Variants in KIF13B observed in about 807,000 individuals in gnomAD.
KIF13B encodes kinesin-like protein KIF13B.
In KIF13B, 127 loss-of-function variants were observed where a neutral mutation model predicts 222.0. That is an observed-to-expected ratio of 0.57 (90% CI 0.50 to 0.66). The LOEUF (loss-of-function observed/expected upper bound fraction) is 0.66, where lower values mean the gene tolerates loss of function less well. KIF13B is among the 30% of genes least tolerant of loss of function. The probability of loss-of-function intolerance (pLI) is 0.00; values close to 1 mark genes in which losing one functional copy is unlikely to be tolerated. For synonymous variants in KIF13B, 976 were observed against 919.0 expected, an observed-to-expected ratio of 1.06 and a Z score of -1.12; for missense variants, 2,173 against 2,379.0, an observed-to-expected ratio of 0.91 and a Z score of 1.80.
At chr8:29,130,989 A>T (rs1007223720) in intron 23 of KIF13B, among the ~76,000 whole-genome samples, 2 of 152,228 alleles carry the variant, frequency 1.3e-5, no homozygotes, top group African/African-American at 4.8e-5. Context: ...CCATAAAAAA[A>T]TACAACCAAA....
chr8:29,089,743 A>T (rs748633600), intron 37 of KIF13B, among the ~76,000 whole-genome samples: 5 of 151,918 alleles, frequency 3.3e-5, no homozygotes, highest in Non-Finnish European at 7.4e-5. Context: ...AAAATACAAA[A>T]ATCAGCCAAG....
At chr8:29,237,542 T>C (rs1815568026) in intron 2 of KIF13B, among the ~76,000 whole-genome samples, 1 of 102,134 alleles carries the variant, frequency 9.8e-6, no homozygotes, top group Non-Finnish European at 1.9e-5. Flanking sequence ...AGAAAGACTC[T>C]TTTCTTGTAT....
chr8:29,112,672 G>A (rs920512766), intron 32 of KIF13B, among the ~76,000 whole-genome samples: 1 of 152,068 alleles, frequency 6.6e-6, no homozygotes, highest in Non-Finnish European at 1.5e-5. Flanking sequence ...GTGAGGGTGG[G>A]AGAAGGAATT....
intron 36 of KIF13B, among the ~76,000 whole-genome samples, chr8:29,093,360 G>C (rs1251478337): frequency 6.6e-6 from 1 of 152,192 alleles, no homozygotes; most frequent in African/African-American, 2.4e-5. Flanking sequence ...AGGGTAAAGG[G>C]TAGTGTTTGA....
At chr8:29,088,595 A>G (rs1420475156) in intron 37 of KIF13B, among the ~76,000 whole-genome samples, 4 of 152,266 alleles carry the variant, frequency 2.6e-5, no homozygotes, top group African/African-American at 9.6e-5. Context: ...TGAAAATCAC[A>G]AATCTGATTT....
intron 3 of KIF13B, among the ~76,000 whole-genome samples, chr8:29,191,868 T>C (rs1813205643): frequency 1.3e-5 from 2 of 152,232 alleles, no homozygotes. Flanking sequence ...TTGTGTTTTG[T>C]GATTTTTATC....
chr8:29,171,452 A>C (rs1812233810), intron 10 of KIF13B, among the ~76,000 whole-genome samples: 1 of 152,212 alleles, frequency 6.6e-6, no homozygotes, highest in East Asian at 1.9e-4. Context: ...GTGAAACTGA[A>C]AATGTTATAG....
chr8:29,239,867 GGGCCA>G (rs1815685171), intron 2 of KIF13B, among the ~76,000 whole-genome samples: 1 of 151,722 alleles, frequency 6.6e-6, no homozygotes, highest in Non-Finnish European at 1.5e-5. Context: ...TTCACCATGT[GGGCCA>G]GGCTGGTTTC....
At chr8:29,107,476 C>T (rs185833665) in intron 35 of KIF13B, among the ~76,000 whole-genome samples, 16 of 151,864 alleles carry the variant, frequency 1.1e-4, no homozygotes, top group Admixed American at 2.6e-4. Context: ...TGTAGTAAGC[C>T]GAGATCGCGT....
intron 37 of KIF13B, among the ~76,000 whole-genome samples, chr8:29,086,585 CG>C (rs2133525793): frequency 6.6e-6 from 1 of 152,274 alleles, no homozygotes; most frequent in East Asian, 1.9e-4. Context: ...GGGAGACAAA[CG>C]GTTTCAGGAA....
At chr8:29,130,414 G>A in intron 24 of KIF13B, 119 bp downstream of exon 24, 1 of 1,068,162 alleles carries the variant, frequency 9.4e-7, no homozygotes, top group Non-Finnish European at 1.4e-6. Flanking sequence ...GAATTTTAAT[G>A]TAAGAAATGG....
At chr8:29,078,516 C>T (rs887180765) in intron 37 of KIF13B, among the ~76,000 whole-genome samples, 2 of 152,118 alleles carry the variant, frequency 1.3e-5, no homozygotes, top group African/African-American at 4.8e-5. Flanking sequence ...TCTGTTTGCA[C>T]CTTTATGCTC....
intron 6 of KIF13B, among the ~76,000 whole-genome samples, chr8:29,185,041 C>T (rs1265102700): frequency 6.6e-6 from 1 of 152,126 alleles, no homozygotes; most frequent in Non-Finnish European, 1.5e-5. Flanking sequence ...TCTTGGCTCA[C>T]TGAAGCCTCA....
intron 2 of KIF13B, among the ~76,000 whole-genome samples, chr8:29,240,328 A>G (rs547948730): frequency 7.8e-5 from 11 of 141,766 alleles, no homozygotes; most frequent in Admixed American, 4.2e-4. Flanking sequence ...CGCAGCAGGG[A>G]AAAAAAAAAA....
At chr8:29,248,102 T>A (rs1816115783) in intron 1 of KIF13B, among the ~76,000 whole-genome samples, 1 of 152,114 alleles carries the variant, frequency 6.6e-6, no homozygotes, top group Admixed American at 6.6e-5. Context: ...CTGGTGAGAA[T>A]GTAAAATGGT....
Position 29,147,508 on chromosome 8 carries a change from T to C in KIF13B, c.1908A>G (p.Glu636=), listed in dbSNP as rs375088210. Residue 636 remains glutamate (E), a synonymous_variant, in exon 17 of 40, where the codon GAA becomes GAG. Coordinates refer to ENST00000524189, the MANE Select transcript of KIF13B (RefSeq NM_015254.4). ...LERQRLMYEH[E]LEQLRRRLSP... ...ACAGCCTTCTCCGGAGCTGCTCCAA[T>C]TCGTGCTCATACATAAGCCTCTGGC... is the stretch of plus-strand genomic sequence containing the variant. 2 of 1,613,698 alleles carry C rather than the reference T, an allele frequency of 1.2e-6. No individual in the cohort carries two copies. Among genetic ancestry groups the C allele is most frequent in the African/African-American group, 2.7e-5 (2 of 74,940 alleles).
intron 35 of KIF13B, among the ~76,000 whole-genome samples, chr8:29,103,022 C>A (rs1266143352): frequency 6.6e-6 from 1 of 152,090 alleles, no homozygotes; most frequent in Non-Finnish European, 1.5e-5. Flanking sequence ...GCAGGCAGAT[C>A]ACGAGGTCAG....
Position 29,118,877 on chromosome 8 carries a change from A to G in KIF13B, c.3651T>C (p.His1217=). 1 of 1,613,860 alleles carries G rather than the reference A, an allele frequency of 6.2e-7. No homozygotes were observed. Among genetic ancestry groups the G allele is most frequent in the Non-Finnish European group, 8.5e-7 (1 of 1,179,824 alleles). The change falls in exon 30 of 40, where the codon CAT becomes CAC. Residue 1217 remains histidine, a synonymous_variant. Transcript: ENST00000524189. ...GTTAGGCTTTCCTTACCTCCCCATC[A>G]TGCTGCTTCACAATCTGCAATTCAA... The part of the protein sequence containing the change: ...EFFELQIVKQ[H]DGEVKAEASW...
In KIF13B at chr8:29,177,091, C is replaced by T. The variant is rs528319018; in HGVS notation, c.833+375G>A. On this transcript the variant is annotated intron_variant, in intron 9 of 39. Coordinates refer to ENST00000524189, the MANE Select transcript of KIF13B (RefSeq NM_015254.4). ...AGGGTGACTATGCCCCCACAGGGAA[C>T]AGCCATGGTTGTTGAAAGTGAGTTT... Among the ~76,000 whole-genome samples the T allele has an allele frequency of 1.7e-3, 260 of 152,290 alleles. 2 individuals are homozygous for T. The highest frequency in any genetic ancestry group is 5.9e-3 in the African/African-American group (244 of 41,552).
Sources: gnomAD v4.1 joint callset for allele counts (sites outside exome capture counted in the v4.1 genomes callset) on GRCh38, gnomAD v4.1.1 for gene constraint, MANE v1.5 for transcripts, NCBI Gene and HGNC (gene_info 2026-07-23, HGNC 2026-07-21) for gene names.